Variants in NEK7 observed in about 807,000 individuals in gnomAD.
NEK7 encodes NIMA related kinase 7.
NEK7 carries 18 observed loss-of-function variants against 44.6 expected under a neutral mutation model. The ratio of observed to expected loss-of-function variants is 0.40; its 90% CI spans 0.28 to 0.60. The LOEUF is 0.60. NEK7 is among the 20% of genes least tolerant of loss of function. The pLI, the probability that NEK7 is intolerant of heterozygous loss-of-function variation, is 0.38. For missense variants in NEK7, 256 were observed against 366.5 expected (o/e 0.70, Z 2.46); for synonymous variants, 130 against 121.1 (o/e 1.07, Z -0.48).
intron 7 of NEK7, among the ~76,000 whole-genome samples, chr1:198,281,378 T>C (rs1654193193): frequency 6.6e-6 from 1 of 152,102 alleles, no homozygotes; most frequent in South Asian, 2.1e-4. Flanking sequence ...AGTAGAACTA[T>C]AGATTTTATT....
At chr1:198,253,306 G>A (rs944479384) in intron 3 of NEK7, 126 bp downstream of exon 3, 13 of 599,232 alleles carry the variant, frequency 2.2e-5, no homozygotes, top group East Asian at 1.2e-4. Flanking sequence ...AAGATTGAAC[G>A]TTGTATTTTA....
intron 1 of NEK7, among the ~76,000 whole-genome samples, chr1:198,172,768 G>A (rs1020769647): frequency 6.6e-6 from 1 of 152,182 alleles, no homozygotes; most frequent in Non-Finnish European, 1.5e-5. Context: ...AGAGCCTAGT[G>A]CTGAAGAGCA....
Position 198,315,416 on chromosome 1 carries a change from G to C in NEK7, c.799-3996G>C, listed in dbSNP as rs183352225. 4.9e-3 allele frequency among the ~76,000 whole-genome samples: 743 copies of C among 152,358 alleles called. 3 individuals are homozygous for C. Among genetic ancestry groups the C allele is most frequent in the African/African-American group, 0.017 (704 of 41,584 alleles). On this transcript the variant is annotated intron_variant, in intron 9 of 9. Transcript: ENST00000367385. ...GTCTTCTGCGTCGCTTACGCTGGGA[G>C]CTGTAGACTGGAGCTGTTCCTATTC...
chr1:198,247,498 T>C (rs556813162), intron 2 of NEK7, among the ~76,000 whole-genome samples: 1 of 152,306 alleles, frequency 6.6e-6, no homozygotes, highest in Admixed American at 6.5e-5. Context: ...ATACAGTGCC[T>C]GTTAAGTTGT....
intron 9 of NEK7, among the ~76,000 whole-genome samples, chr1:198,301,094 A>G (rs1359807776): frequency 6.6e-6 from 1 of 152,232 alleles, no homozygotes; most frequent in East Asian, 1.9e-4. Flanking sequence ...ATTGTTAATT[A>G]TTTTGAAATT....
intron 8 of NEK7, 113 bp from the exon 9 acceptor site, chr1:198,297,014 T>G: frequency 1.6e-6 from 1 of 640,212 alleles, no homozygotes; most frequent in South Asian, 2.3e-5. Context: ...AATGCCCAGG[T>G]ATCTCTATTT....
chr1:198,286,590 C>T (rs766726763), intron 7 of NEK7, among the ~76,000 whole-genome samples: 1 of 152,144 alleles, frequency 6.6e-6, no homozygotes, highest in Non-Finnish European at 1.5e-5. Context: ...TGCCCTAACA[C>T]ATTACCAAAA....
chr1:198,252,764 T>C (rs764404185), intron 2 of NEK7, among the ~76,000 whole-genome samples: 20 of 149,704 alleles, frequency 1.3e-4, no homozygotes, highest in Middle Eastern at 3.4e-3. Flanking sequence ...AAAACACACA[T>C]ATATATATAT....
chr1:198,274,943 C>T (rs916866068), intron 5 of NEK7, among the ~76,000 whole-genome samples: 1 of 151,612 alleles, frequency 6.6e-6, no homozygotes, highest in African/African-American at 2.4e-5. Context: ...TAGGTGGTGA[C>T]GCAGATGGGT....
chr1:198,258,597 A>C (rs187805821), intron 3 of NEK7, among the ~76,000 whole-genome samples: 1 of 152,306 alleles, frequency 6.6e-6, no homozygotes, highest in Admixed American at 6.5e-5. Flanking sequence ...TTTTAAAGAA[A>C]TCTAGTGTTA....
intron 1 of NEK7, among the ~76,000 whole-genome samples, chr1:198,178,538 A>G (rs964572405): frequency 6.6e-6 from 1 of 152,054 alleles, no homozygotes; most frequent in Admixed American, 6.6e-5. Flanking sequence ...AGTTTGGAAA[A>G]ATCTGCATCG....
intron 8 of NEK7, 30 bp downstream of exon 8, chr1:198,293,069 G>T: frequency 8.7e-7 from 1 of 1,148,140 alleles, no homozygotes. Context: ...TCCAAATATT[G>T]ATGCAGTTTT....
At chr1:198,159,122 G>T (rs1664014761) in intron 1 of NEK7, among the ~76,000 whole-genome samples, 1 of 152,204 alleles carries the variant, frequency 6.6e-6, no homozygotes, top group Non-Finnish European at 1.5e-5. Context: ...TGGGTGCCGG[G>T]AGGCTCCGCC....
At chr1:198,266,128 ATTTAT>A (rs761792912) in intron 5 of NEK7, among the ~76,000 whole-genome samples, 6 of 152,034 alleles carry the variant, frequency 3.9e-5, no homozygotes, top group African/African-American at 7.2e-5. Context: ...ACACATCACG[ATTTAT>A]TTTATTACTT....
intron 8 of NEK7, 126 bp downstream of exon 8, chr1:198,293,165 T>C: frequency 3.5e-6 from 2 of 573,422 alleles, no homozygotes; most frequent in Non-Finnish European, 6.1e-6. Flanking sequence ...TGAAGAATTT[T>C]CGTTGGGTTA....
rs958540285 is a variant in NEK7, at chr1:198,157,001, C to G, written c.-304C>G. ...CCTCGGGGATGCCGGGATGTTTACA[C>G]TCCTGACAGCGGCGGCAGCAGGAGG... is the stretch of plus-strand genomic sequence containing the variant. On this transcript the variant is annotated 5_prime_UTR_variant, in exon 1 of 10. Transcript: ENST00000367385. 2 of 152,186 alleles carry G rather than the reference C, an allele frequency of 1.3e-5. No homozygotes were observed. Among genetic ancestry groups the G allele is most frequent in the Non-Finnish European group, 2.9e-5 (2 of 68,058 alleles). The allele number at this position is 152,186 out of a possible 1,614,324, so 9.4% of individuals were successfully genotyped here.
intron 7 of NEK7, among the ~76,000 whole-genome samples, chr1:198,286,123 T>TA (rs946004213): frequency 1.6e-4 from 24 of 152,212 alleles, no homozygotes; most frequent in African/African-American, 5.5e-4. Flanking sequence ...ACATTTATAA[T>TA]AAAAAATAGT....
chr1:198,197,961 A>G lies in NEK7; in HGVS notation c.-28-34592A>G. On this transcript the variant is annotated intron_variant, in intron 1 of 9. Transcript: ENST00000367385. ...ATCCAGGGGCAGGTGGTGGGTATGGAGGAGGGTAGGGACCCGAGGATTGGC... is the reference window on the plus strand; with the variant it reads ...ATCCAGGGGCAGGTGGTGGGTATGGGGGAGGGTAGGGACCCGAGGATTGGC... 3.9e-6 allele frequency: 6 copies of G among 1,542,586 alleles called. No homozygotes were observed. In the South Asian group the frequency reaches 7.4e-5, roughly 19 times the overall value.
At chr1:198,258,863 T>C (rs557913810) in intron 3 of NEK7, among the ~76,000 whole-genome samples, 1 of 152,188 alleles carries the variant, frequency 6.6e-6, no homozygotes, top group Non-Finnish European at 1.5e-5. Flanking sequence ...AAGTCCATAT[T>C]TTCACCCAAG....
Sources: allele counts gnomAD v4.1 joint callset (sites outside exome capture counted in the v4.1 genomes callset), GRCh38; gene constraint gnomAD v4.1.1; transcripts MANE v1.5; gene names NCBI Gene and HGNC (gene_info 2026-07-23, HGNC 2026-07-21).